The following HACE1 variants were observed in gnomAD, a reference collection of about 807,000 sequenced individuals.
HACE1 encodes the protein HECT domain and ankyrin repeat containing E3 ubiquitin protein ligase 1, also known as E3 ubiquitin-protein ligase HACE1.
Under a neutral mutation model 118.4 loss-of-function variants are expected in HACE1, and 73 were observed. That is an observed-to-expected ratio of 0.62 (90% CI 0.51 to 0.75). The LOEUF (loss-of-function observed/expected upper bound fraction) is 0.75. HACE1 is among the 30% of genes least tolerant of loss of function. HACE1 has a pLI of 0.00. For missense variants in HACE1, 749 were observed against 1,102.2 expected (o/e 0.68, Z 4.54); for synonymous variants, 368 against 374.8 (o/e 0.98, Z 0.21).
intron 10 of HACE1, 136 bp downstream of exon 10, chr6:104,795,443 A>G: frequency 2.9e-6 from 2 of 698,214 alleles, no homozygotes; most frequent in East Asian, 2.7e-5. Flanking sequence ...CCTTTCAAAC[A>G]AAACAAACCA....
At chr6:104,793,492 G>A (rs1444693979) in intron 10 of HACE1, among the ~76,000 whole-genome samples, 2 of 151,972 alleles carry the variant, frequency 1.3e-5, no homozygotes, top group Non-Finnish European at 2.9e-5. Context: ...ATGTGCAAAC[G>A]CCTCAGTAAA....
intron 22 of HACE1, among the ~76,000 whole-genome samples, chr6:104,737,260 G>A (rs1457531130): frequency 6.9e-6 from 1 of 144,856 alleles, no homozygotes; most frequent in Non-Finnish European, 1.5e-5. Flanking sequence ...TCCAGCCTGG[G>A]GGACAGAGTG....
chr6:104,765,691 T>C (rs1368108491), intron 19 of HACE1, among the ~76,000 whole-genome samples: 1 of 152,234 alleles, frequency 6.6e-6, no homozygotes, highest in Non-Finnish European at 1.5e-5. Flanking sequence ...CACTTCATTA[T>C]GATAGATCTT....
chr6:104,838,869 G>A (rs1481086416), intron 5 of HACE1, among the ~76,000 whole-genome samples: 1 of 74,064 alleles, frequency 1.4e-5, no homozygotes, highest in Non-Finnish European at 2.6e-5. Context: ...GAATATATAA[G>A]GAACTCAAAC....
chr6:104,807,131 C>A (rs933691946), intron 7 of HACE1, among the ~76,000 whole-genome samples: 2 of 150,280 alleles, frequency 1.3e-5, no homozygotes, highest in Admixed American at 1.3e-4. Flanking sequence ...TCAAGTGATT[C>A]TCCTGCCTCA....
At chr6:104,747,306 G>A (rs1260160998) in intron 20 of HACE1, among the ~76,000 whole-genome samples, 1 of 151,954 alleles carries the variant, frequency 6.6e-6, no homozygotes, top group South Asian at 2.1e-4. Flanking sequence ...TTCACAAGCA[G>A]CACAGTATGG....
At chr6:104,743,090 T>C (rs1007583833) in intron 22 of HACE1, among the ~76,000 whole-genome samples, 5 of 147,666 alleles carry the variant, frequency 3.4e-5, no homozygotes, top group East Asian at 2.0e-4. Flanking sequence ...CGTATTCTCA[T>C]TCATAGGTGG....
intron 19 of HACE1, among the ~76,000 whole-genome samples, chr6:104,757,681 G>A (rs980177324): frequency 6.6e-6 from 1 of 152,142 alleles, no homozygotes; most frequent in Non-Finnish European, 1.5e-5. Context: ...GAACAAAACT[G>A]GATGGAGAAT....
Position 104,765,333 on chromosome 6 carries a change from C to T in HACE1, c.2211+5860G>A, listed in dbSNP as rs560670460. Among the ~76,000 whole-genome samples the T allele has an allele frequency of 2.6e-5, 4 of 152,352 alleles. No individual in the cohort carries two copies. The South Asian group carries it at 8.3e-4, about 32-fold the overall frequency. On this transcript the variant is annotated intron_variant, in intron 19 of 23. Transcript: ENST00000262903. ...TCCTTGAAGAGATTGAGAACACAGG[C>T]TTTTGCCTATCATGGCAAATTTACA...
At chr6:104,746,209 G>A (rs1777406495) in intron 20 of HACE1, among the ~76,000 whole-genome samples, 1 of 152,092 alleles carries the variant, frequency 6.6e-6, no homozygotes, top group African/African-American at 2.4e-5. Flanking sequence ...AATATCCATT[G>A]ACATAACCCA....
intron 22 of HACE1, among the ~76,000 whole-genome samples, chr6:104,739,982 GCAAT>G (rs1315837597): frequency 1.3e-5 from 2 of 151,566 alleles, no homozygotes; most frequent in African/African-American, 4.8e-5. Context: ...AGACCACAGT[GCAAT>G]CAAACTAGAA....
chr6:104,764,494 A>C (rs1272441254), intron 19 of HACE1, among the ~76,000 whole-genome samples: 3 of 152,204 alleles, frequency 2.0e-5, no homozygotes, highest in Non-Finnish European at 4.4e-5. Context: ...CTCCAGGGTT[A>C]TCTGCCTCAT....
At chr6:104,757,651 A>ACAACTC (rs1390473075) in intron 19 of HACE1, among the ~76,000 whole-genome samples, 1 of 152,206 alleles carries the variant, frequency 6.6e-6, no homozygotes, top group Admixed American at 6.5e-5. Context: ...CCAAAGGAAC[A>ACAACTC]CAACTCCTGG....
chr6:104,836,495 C>T (rs1234099716), intron 5 of HACE1, among the ~76,000 whole-genome samples: 2 of 151,884 alleles, frequency 1.3e-5, no homozygotes, highest in Non-Finnish European at 1.5e-5. Flanking sequence ...GGTGAATCAC[C>T]GGAGGTCAGG....
intron 7 of HACE1, among the ~76,000 whole-genome samples, chr6:104,804,270 G>A (rs1265664530): frequency 3.9e-5 from 6 of 152,276 alleles, no homozygotes; most frequent in Admixed American, 6.5e-5. Flanking sequence ...AATCAATATC[G>A]TGAAAATGGC....
intron 1 of HACE1, chr6:104,858,366 A>C (rs1448899492): frequency 4.4e-6 from 1 of 227,238 alleles, no homozygotes; most frequent in Non-Finnish European, 9.1e-6. Context: ...AGTTACCAAA[A>C]TCTGAATTCT....
chr6:104,744,066 T>C, intron 22 of HACE1, 94 bp downstream of exon 22: 2 of 799,100 alleles, frequency 2.5e-6, no homozygotes, highest in South Asian at 1.4e-5. Context: ...TTACTGACAA[T>C]TCAGAGTAAT....
intron 5 of HACE1, among the ~76,000 whole-genome samples, chr6:104,841,949 A>G (rs905165211): frequency 8.5e-5 from 13 of 152,222 alleles, no homozygotes; most frequent in African/African-American, 3.1e-4. Flanking sequence ...ATGTGATTCA[A>G]AAATACATAA....
At chr6:104,819,200 T>C (rs928133099) in intron 6 of HACE1, among the ~76,000 whole-genome samples, 4 of 152,124 alleles carry the variant, frequency 2.6e-5, no homozygotes, top group Admixed American at 6.5e-5. Flanking sequence ...AGTCTCAGAA[T>C]ACAAAACCAA....
Sources: allele counts gnomAD v4.1 joint callset (sites outside exome capture counted in the v4.1 genomes callset), GRCh38; gene constraint gnomAD v4.1.1; transcripts MANE v1.5; gene names NCBI Gene and HGNC (gene_info 2026-07-23, HGNC 2026-07-21).